The following CDH4 variants were observed in gnomAD, a reference collection of about 807,000 sequenced individuals.
The protein encoded by CDH4 is cadherin 4, also known as cadherin-4.
In CDH4, 33 loss-of-function variants were observed where a neutral mutation model predicts 86.0. The ratio of observed to expected loss-of-function variants is 0.38; its 90% CI spans 0.29 to 0.51. The LOEUF is 0.51. Among genes scored for constraint, CDH4 ranks in the 20% least tolerant of loss-of-function variants. CDH4 has a pLI of 0.86. For synonymous variants in CDH4, 555 were observed against 549.4 expected (o/e 1.01, Z -0.14); for missense variants, 1,114 against 1,307.4 (o/e 0.85, Z 2.28).
intron 2 of CDH4, among the ~76,000 whole-genome samples, chr20:61,640,077 G>A (rs989690411): frequency 2.0e-5 from 3 of 152,242 alleles, no homozygotes; most frequent in African/African-American, 7.2e-5. Context: ...GCTTCCCCAT[G>A]AAGCTCCACA....
chr20:61,600,875 AGAACCCGCGGGTGTG>A (rs1209633313), intron 2 of CDH4, among the ~76,000 whole-genome samples: 2 of 152,156 alleles, frequency 1.3e-5, no homozygotes, highest in Non-Finnish European at 2.9e-5. Context: ...CTGCGGGTGC[AGAACCCGCGGGTGTG>A]GAAAGCCAGC....
At chr20:61,656,297 G>C (rs1002797007) in intron 2 of CDH4, among the ~76,000 whole-genome samples, 2 of 124,926 alleles carry the variant, frequency 1.6e-5, no homozygotes, top group African/African-American at 6.9e-5. Flanking sequence ...GCGTGCTGGG[G>C]TGGGTAGGCA....
intron 2 of CDH4, among the ~76,000 whole-genome samples, chr20:61,536,818 G>A (rs577842215): frequency 2.0e-5 from 3 of 152,134 alleles, no homozygotes; most frequent in Non-Finnish European, 2.9e-5. Flanking sequence ...CCACAGTGAC[G>A]AGAGGAAGGA....
chr20:61,616,034 C>T (rs749919849), intron 2 of CDH4, among the ~76,000 whole-genome samples: 26 of 152,224 alleles, frequency 1.7e-4, no homozygotes, highest in Non-Finnish European at 3.5e-4. Context: ...CTCGTGGCCA[C>T]GGGCCCCCTG....
intron 2 of CDH4, among the ~76,000 whole-genome samples, chr20:61,653,704 A>G (rs1395696940): frequency 8.8e-6 from 1 of 113,212 alleles, no homozygotes; most frequent in Admixed American, 8.5e-5. Flanking sequence ...CACCTCCCAG[A>G]CGGGGTCGCA....
At chr20:61,817,197 C>T (rs1049606204) in intron 4 of CDH4, among the ~76,000 whole-genome samples, 2 of 152,238 alleles carry the variant, frequency 1.3e-5, no homozygotes, top group African/African-American at 4.8e-5. Context: ...GTCTGAACCC[C>T]AAATCACATG....
chr20:61,775,315 G>T (rs561208514), intron 4 of CDH4, among the ~76,000 whole-genome samples: 1 of 152,130 alleles, frequency 6.6e-6, no homozygotes, highest in Admixed American at 6.5e-5. Flanking sequence ...AGGACTGAAG[G>T]TCACCGAGAC....
intron 4 of CDH4, among the ~76,000 whole-genome samples, chr20:61,809,727 C>T (rs990210389): frequency 4.6e-5 from 7 of 152,188 alleles, no homozygotes; most frequent in African/African-American, 1.4e-4. Flanking sequence ...TATTTTCTAA[C>T]CAGGGCGGTG....
chr20:61,589,189 CT>C (rs1391481895), intron 2 of CDH4, among the ~76,000 whole-genome samples: 2 of 152,300 alleles, frequency 1.3e-5, no homozygotes, highest in African/African-American at 2.4e-5. Flanking sequence ...CTCTGATTAA[CT>C]TTTGCCAAAT....
intron 2 of CDH4, among the ~76,000 whole-genome samples, chr20:61,695,010 A>G (rs970746527): frequency 2.6e-5 from 4 of 152,220 alleles, no homozygotes; most frequent in Non-Finnish European, 5.9e-5. Context: ...GTAGGGAGTG[A>G]AAGATAGATT....
chr20:61,765,749 C>T (rs918650860), intron 3 of CDH4, among the ~76,000 whole-genome samples: 3 of 152,058 alleles, frequency 2.0e-5, no homozygotes, highest in African/African-American at 4.8e-5. Context: ...CTGACCTGGG[C>T]GGCCTGGAGG....
chr20:61,457,946 A>G (rs1434767101), intron 2 of CDH4, among the ~76,000 whole-genome samples: 1 of 130,324 alleles, frequency 7.7e-6, no homozygotes, highest in African/African-American at 3.0e-5. Flanking sequence ...TGTGGTGGTA[A>G]TAGTGGTGAT....
chr20:61,805,994 T>G (rs1436583444), intron 4 of CDH4, among the ~76,000 whole-genome samples: 1 of 152,154 alleles, frequency 6.6e-6, no homozygotes, highest in African/African-American at 2.4e-5. Flanking sequence ...AGGTGGGTGC[T>G]TGGGGCAAGG....
chr20:61,736,491 G>A (rs991235610), intron 2 of CDH4, among the ~76,000 whole-genome samples: 1 of 152,148 alleles, frequency 6.6e-6, no homozygotes, highest in African/African-American at 2.4e-5. Flanking sequence ...GTGATGACTT[G>A]GTTAATGTCT....
intron 2 of CDH4, among the ~76,000 whole-genome samples, chr20:61,513,017 T>C (rs1489608761): frequency 6.6e-6 from 1 of 152,266 alleles, no homozygotes; most frequent in Non-Finnish European, 1.5e-5. Context: ...AAAGCACATG[T>C]GCCCTCTAAC....
At chr20:61,656,045 G>C (rs1455386216) in intron 2 of CDH4, among the ~76,000 whole-genome samples, 2 of 152,240 alleles carry the variant, frequency 1.3e-5, no homozygotes, top group Admixed American at 6.5e-5. Flanking sequence ...GGAGGAGTGA[G>C]AGGGGCTGGT....
intron 2 of CDH4, among the ~76,000 whole-genome samples, chr20:61,440,444 A>G (rs2085308069): frequency 6.6e-6 from 1 of 152,258 alleles, no homozygotes; most frequent in South Asian, 2.1e-4. Context: ...CACTGCTTGC[A>G]TGTCTTTCAC....
intron 2 of CDH4, among the ~76,000 whole-genome samples, chr20:61,670,338 C>T (rs566563041): frequency 7.9e-5 from 12 of 152,274 alleles, no homozygotes; most frequent in Admixed American, 7.8e-4. Flanking sequence ...GTTTTCTTCC[C>T]CCATAGTTCC....
intron 8 of CDH4, among the ~76,000 whole-genome samples, chr20:61,899,467 G>A (rs563513789): frequency 2.3e-4 from 35 of 152,084 alleles, no homozygotes; most frequent in African/African-American, 4.8e-4. Flanking sequence ...TCGCTCTGTC[G>A]CCCAGGCTGG....
Sources: allele counts gnomAD v4.1 joint callset (sites outside exome capture counted in the v4.1 genomes callset), GRCh38; gene constraint gnomAD v4.1.1; transcripts MANE v1.5; gene names NCBI Gene and HGNC (gene_info 2026-07-23, HGNC 2026-07-21).